Variants in ACTR3C observed in about 807,000 individuals in gnomAD.
ACTR3C encodes the protein actin related protein 3C.
In ACTR3C, 18 loss-of-function variants were observed where a neutral mutation model predicts 26.3. The observed-to-expected ratio is 0.68, with a 90% CI of 0.47 to 1.01. The LOEUF (loss-of-function observed/expected upper bound fraction) is 1.01, where lower values mean the gene tolerates loss of function less well. ACTR3C is among the 50% of genes least tolerant of loss of function. The probability of loss-of-function intolerance (pLI) is 0.00; values close to 1 mark genes in which losing one functional copy is unlikely to be tolerated. For synonymous variants in ACTR3C, 55 were observed against 94.5 expected, an observed-to-expected ratio of 0.58 and a Z score of 2.42; for missense variants, 184 against 250.7, an observed-to-expected ratio of 0.73 and a Z score of 1.80.
the ACTR3C span, among the ~76,000 whole-genome samples, chr7:149,907,473 T>TCCC: frequency 9.1e-6 from 1 of 109,842 alleles, no homozygotes; most frequent in Non-Finnish European, 2.0e-5. Context: ...CTTGCCTCTC[T>TCCC]TCTCTTCTCT....
chr7:150,006,214 T>TTTATTTATTTATTTA, the ACTR3C span, among the ~76,000 whole-genome samples: 1 of 82,128 alleles, frequency 1.2e-5, no homozygotes, highest in African/African-American at 6.2e-5. Context: ...TTATTTATTT[T>TTTATTTATTTATTTA]GAGAAGGAGT....
the ACTR3C span, among the ~76,000 whole-genome samples, chr7:150,084,972 C>G: frequency 1.3e-5 from 2 of 151,918 alleles, no homozygotes; most frequent in Non-Finnish European, 2.9e-5. Flanking sequence ...GAGATGGGAT[C>G]GATGAGGCTT....
the ACTR3C span, among the ~76,000 whole-genome samples, chr7:150,212,178 T>C: frequency 1.4e-5 from 2 of 146,626 alleles, no homozygotes; most frequent in East Asian, 3.8e-4. Context: ...ATAAAAATAT[T>C]AGATTTGAGG....
chr7:149,900,160 G>T, the ACTR3C span, among the ~76,000 whole-genome samples: 5 of 150,986 alleles, frequency 3.3e-5, no homozygotes, highest in Non-Finnish European at 7.4e-5. Flanking sequence ...TTTTGTTGTT[G>T]TTGTTTTTGT....
At chr7:150,076,936 G>A in the ACTR3C span, among the ~76,000 whole-genome samples, 3 of 152,110 alleles carry the variant, frequency 2.0e-5, no homozygotes, top group Non-Finnish European at 2.9e-5. Context: ...AGGCCAAGGC[G>A]AGCGAATCAC....
chr7:149,920,798 C>T, the ACTR3C span, among the ~76,000 whole-genome samples: 1 of 151,442 alleles, frequency 6.6e-6, no homozygotes, highest in Non-Finnish European at 1.5e-5. Flanking sequence ...TGGAGTTTCA[C>T]TCTCGTTGCC....
the ACTR3C span, among the ~76,000 whole-genome samples, chr7:150,208,758 A>G: frequency 2.0e-5 from 3 of 152,188 alleles, no homozygotes; most frequent in Non-Finnish European, 2.9e-5. Context: ...CTGGCATCCA[A>G]TCAAAAATTA....
chr7:149,938,981 TATATA>T, the ACTR3C span, among the ~76,000 whole-genome samples: 29 of 147,772 alleles, frequency 2.0e-4, 1 homozygote, highest in Admixed American at 1.8e-3. Context: ...CATATATATG[TATATA>T]ATATATTTTT....
At chr7:150,036,144 GC>G in the ACTR3C span, among the ~76,000 whole-genome samples, 1 of 129,776 alleles carries the variant, frequency 7.7e-6, no homozygotes, top group Non-Finnish European at 1.8e-5. Flanking sequence ...CTGAGTCCCC[GC>G]CTCGTGGGGG....
At chr7:150,024,808 A>C in the ACTR3C span, among the ~76,000 whole-genome samples, 1 of 146,000 alleles carries the variant, frequency 6.8e-6, no homozygotes, top group African/African-American at 2.6e-5. Context: ...CTGTGATGTA[A>C]GCCTCTCAGC....
At chr7:149,996,919 C>T in the ACTR3C span, among the ~76,000 whole-genome samples, 3 of 150,588 alleles carry the variant, frequency 2.0e-5, no homozygotes, top group Non-Finnish European at 3.0e-5. Flanking sequence ...CACTGCCACC[C>T]GGGGCCACGC....
chr7:150,282,530 G>A (rs1436211481), intron 6 of ACTR3C, among the ~76,000 whole-genome samples: 3 of 141,730 alleles, frequency 2.1e-5, no homozygotes, highest in Non-Finnish European at 4.4e-5. Context: ...AATCCTACAT[G>A]AATTCTCTAT....
the ACTR3C span, among the ~76,000 whole-genome samples, chr7:150,008,362 C>A: frequency 6.6e-6 from 1 of 152,244 alleles, no homozygotes; most frequent in Admixed American, 6.5e-5. Context: ...GAGGACAGGG[C>A]ATGCTCTCCA....
chr7:150,016,148 A>G, the ACTR3C span, among the ~76,000 whole-genome samples: 1 of 152,132 alleles, frequency 6.6e-6, no homozygotes, highest in Non-Finnish European at 1.5e-5. Context: ...TCTCTGCCCC[A>G]GCATACTGGC....
chr7:149,996,059 C>T, the ACTR3C span, among the ~76,000 whole-genome samples: 5 of 151,988 alleles, frequency 3.3e-5, no homozygotes, highest in Admixed American at 3.3e-4. Context: ...CGTGGGTTAA[C>T]TGCTGGCGTG....
the ACTR3C span, among the ~76,000 whole-genome samples, chr7:149,945,126 G>C: frequency 2.0e-5 from 3 of 152,020 alleles, no homozygotes; most frequent in South Asian, 2.1e-4. Flanking sequence ...GGATTATTGG[G>C]GAGCATGATG....
intron 6 of ACTR3C, among the ~76,000 whole-genome samples, chr7:150,278,499 C>G (rs187590174): frequency 0.024 from 3,585 of 152,292 alleles, 130 homozygotes; most frequent in African/African-American, 0.082. Flanking sequence ...TGCGGCTCTC[C>G]CAGCACAGCC....
At chr7:150,182,983 A>T in the ACTR3C span, among the ~76,000 whole-genome samples, 1 of 151,108 alleles carries the variant, frequency 6.6e-6, no homozygotes, top group Admixed American at 6.6e-5. Context: ...AAGCATAGCA[A>T]ATACATATTT....
chr7:150,205,580 A>T, the ACTR3C span, among the ~76,000 whole-genome samples: 1 of 89,158 alleles, frequency 1.1e-5, no homozygotes, highest in African/African-American at 7.4e-5. Flanking sequence ...ACACTTTTCT[A>T]AAAAAAGCAA....
Sources: gnomAD v4.1 joint callset for allele counts (sites outside exome capture counted in the v4.1 genomes callset) on GRCh38, gnomAD v4.1.1 for gene constraint, MANE v1.5 for transcripts, NCBI Gene and HGNC (gene_info 2026-07-23, HGNC 2026-07-21) for gene names.